The following ZHX3 variants were observed in gnomAD, a reference collection of about 807,000 sequenced individuals.
The protein encoded by ZHX3 is zinc fingers and homeoboxes protein 3.
Under a neutral mutation model 64.5 loss-of-function variants are expected in ZHX3, and 20 were observed. The ratio of observed to expected loss-of-function variants is 0.31; its 90% CI spans 0.22 to 0.45. The LOEUF (loss-of-function observed/expected upper bound fraction) is 0.45. Among genes scored for constraint, ZHX3 ranks in the 20% least tolerant of loss-of-function variants. The probability of loss-of-function intolerance (pLI) is 1.00; values close to 1 mark genes in which losing one functional copy is unlikely to be tolerated. For missense variants in ZHX3, 1,041 were observed against 1,195.8 expected (o/e 0.87, Z 1.91); for synonymous variants, 423 against 461.6 (o/e 0.92, Z 1.07).
Position 41,202,177 on chromosome 20 carries a change from T to C in ZHX3, c.2740A>G (p.Lys914Glu), listed in dbSNP as rs1183644707. ...TCTGAATAGGTGTCACCCATCCCTT[T>C]GTGAACTGCTGTGAGCTCACCAGTA... Reference protein sequence around the residue: ...PGTGELTAVHKGMGDTYSEVS... With the variant: ...PGTGELTAVHEGMGDTYSEVS... Residue 914 changes from lysine (K) to glutamate (E), a missense_variant, in exon 3 of 4, where the codon AAA becomes GAA. Around this residue, in one of 4 missense-constraint regions of ZHX3, gnomAD observed 649 missense variants for 739.8 expected, o/e 0.88. Transcript: ENST00000683867. This position sits in a 1 kb window ranked among gnomAD's most constrained non-coding sequence, Gnocchi z 7.0. 1 of 1,614,162 alleles carries C rather than the reference T, an allele frequency of 6.2e-7. No homozygotes were observed.
intron 1 of ZHX3, among the ~76,000 whole-genome samples, chr20:41,279,531 C>T (rs1460840032): frequency 6.6e-6 from 1 of 151,850 alleles, no homozygotes; most frequent in Non-Finnish European, 1.5e-5. Flanking sequence ...TCAGAAGTAA[C>T]CAAAAAGTAT....
chr20:41,201,119 A>G lies in ZHX3; in HGVS notation c.2860+938T>C, dbSNP rs778579937. ...TGAGGTACCAAACACAAGGCCCCAC[A>G]CTGAGGCAGCTCATGCCAAAGTCAC... On this transcript the variant is annotated intron_variant, in intron 3 of 3. Transcript: ENST00000683867. This position sits in a 1 kb window ranked among gnomAD's most constrained non-coding sequence, Gnocchi z 5.0. Among the ~76,000 whole-genome samples, 7 of 152,224 alleles carry G rather than the reference A, an allele frequency of 4.6e-5. No individual in the cohort carries two copies. The highest frequency in any genetic ancestry group is 1.0e-4 in the Non-Finnish European group (7 of 68,038).
chr20:41,205,518 C>G (rs928305938), intron 2 of ZHX3, among the ~76,000 whole-genome samples: 6 of 135,768 alleles, frequency 4.4e-5, no homozygotes, highest in African/African-American at 1.7e-4. Flanking sequence ...CTGTCTGTCC[C>G]AAGCCAGGCC....
intron 2 of ZHX3, among the ~76,000 whole-genome samples, chr20:41,248,837 G>A (rs889585045): frequency 6.6e-6 from 1 of 152,140 alleles, no homozygotes; most frequent in African/African-American, 2.4e-5. Flanking sequence ...GCAGGAATTG[G>A]CTGGGTTCTA....
intron 1 of ZHX3, among the ~76,000 whole-genome samples, chr20:41,270,534 T>C (rs1455561544): frequency 6.6e-6 from 1 of 151,356 alleles, no homozygotes; most frequent in Non-Finnish European, 1.5e-5. Context: ...AAATTAGCTG[T>C]GTGTGGTGGC....
In ZHX3 at chr20:41,202,138, T is replaced by G; in HGVS notation, c.2779A>C (p.Ser927Arg). 6.2e-7 allele frequency: 1 copy of G among 1,614,166 alleles called. No homozygotes were observed. The highest frequency in any genetic ancestry group is 8.5e-7 in the Non-Finnish European group (1 of 1,180,022). ...GGGACACGGGGCTCCCACGACTCAC[T>G]GTTCTCAGACACCTCTGAATAGGTG... ...GDTYSEVSEN[S>R]ESWEPRVPEA... Residue 927 changes from serine (S) to arginine (R), a missense_variant, in exon 3 of 4, where the codon AGT becomes CGT. By Grantham distance (110) the Ser-to-Arg change is moderately radical. This residue lies in a region of ZHX3 where 649 missense variants were observed against 739.8 expected (regional missense o/e 0.88). Transcript: ENST00000683867. The surrounding 1 kb of genome is among the most constrained non-coding windows in gnomAD (Gnocchi z 7.0).
chr20:41,288,308 C>T (rs1230078389), intron 1 of ZHX3, among the ~76,000 whole-genome samples: 1 of 152,208 alleles, frequency 6.6e-6, no homozygotes, highest in Admixed American at 6.5e-5. Flanking sequence ...GTGTGAGCCA[C>T]CGTTCCCAGC....
At chr20:41,209,714 A>C (rs2039010037) in intron 2 of ZHX3, among the ~76,000 whole-genome samples, 1 of 152,244 alleles carries the variant, frequency 6.6e-6, no homozygotes, top group Non-Finnish European at 1.5e-5. Context: ...TTAAAGACTT[A>C]AATGTTAGAC....
At chr20:41,308,076 G>A (rs2045031141) in intron 1 of ZHX3, among the ~76,000 whole-genome samples, 1 of 152,186 alleles carries the variant, frequency 6.6e-6, no homozygotes, top group Admixed American at 6.5e-5. Flanking sequence ...GCTCTGACGG[G>A]AGGAAAAGTG....
chr20:41,280,070 A>T (rs2043598189), intron 1 of ZHX3, among the ~76,000 whole-genome samples: 1 of 152,194 alleles, frequency 6.6e-6, no homozygotes, highest in Non-Finnish European at 1.5e-5. Context: ...CAGAATGAAG[A>T]AACAGCACCA....
intron 2 of ZHX3, among the ~76,000 whole-genome samples, chr20:41,221,928 G>A (rs568578763): frequency 4.8e-4 from 73 of 152,352 alleles, no homozygotes; most frequent in African/African-American, 1.7e-3. Context: ...AGAGGCTGTG[G>A]TAGGGGGCAG....
chr20:41,283,059 C>G (rs1325676097), intron 1 of ZHX3, among the ~76,000 whole-genome samples: 1 of 152,150 alleles, frequency 6.6e-6, no homozygotes, highest in Non-Finnish European at 1.5e-5. Flanking sequence ...CAGGCATACC[C>G]CACCATGCCC....
In ZHX3 at chr20:41,201,347, G is replaced by T; in HGVS notation, c.2860+710C>A. The T allele has an allele frequency of 3.1e-6, 4 of 1,304,772 alleles. No homozygotes were observed. Among genetic ancestry groups the T allele is most frequent in the Non-Finnish European group, 4.0e-6 (4 of 989,072 alleles). The allele number at this position is 1,304,772 out of a possible 1,614,324, so 80.8% of individuals were successfully genotyped here. The stretch of plus-strand genomic sequence containing the variant: ...GAGAACACAAATGTCAAAGGGTAAG[G>T]AGGGAAGGGAGAGGCTGGGAACTCA... On this transcript the variant is annotated intron_variant, in intron 3 of 3. Coordinates refer to ENST00000683867, the MANE Select transcript of ZHX3 (RefSeq NM_001384317.1). This position sits in a 1 kb window ranked among gnomAD's most constrained non-coding sequence, Gnocchi z 5.0.
intron 2 of ZHX3, among the ~76,000 whole-genome samples, chr20:41,234,278 A>C (rs935779716): frequency 1.3e-5 from 2 of 152,230 alleles, no homozygotes; most frequent in Admixed American, 6.5e-5. Context: ...CACTCAGCAC[A>C]TATGAAGCAC....
At chr20:41,279,908 A>G (rs1219010253) in intron 1 of ZHX3, among the ~76,000 whole-genome samples, 1 of 152,222 alleles carries the variant, frequency 6.6e-6, no homozygotes, top group African/African-American at 2.4e-5. Flanking sequence ...TAGAAGTAGA[A>G]GTGAGCCCAG....
intron 2 of ZHX3, among the ~76,000 whole-genome samples, chr20:41,243,415 C>T (rs765023665): frequency 1.6e-4 from 24 of 152,300 alleles, no homozygotes; most frequent in South Asian, 1.0e-3. Flanking sequence ...GCTTCATTTT[C>T]CCGATTCAAT....
Position 41,201,219 on chromosome 20 carries a change from C to T in ZHX3, c.2860+838G>A. 1.4e-5 allele frequency: 16 copies of T among 1,120,382 alleles called. No individual in the cohort carries two copies. The highest frequency in any genetic ancestry group is 1.8e-5 in the Non-Finnish European group (15 of 855,188). The allele number at this position is 1,120,382 out of a possible 1,614,324, so 69.4% of individuals were successfully genotyped here. A position where few individuals can be genotyped will look rare whatever the true frequency, so the allele number is the denominator to read the frequency against. ...CCTCCCACATTGCCAACTCAGCTAG[C>T]AATGCTGCCATTTTGGAACCCCCAA... On this transcript the variant is annotated intron_variant, in intron 3 of 3. Transcript: ENST00000683867. The surrounding 1 kb of genome is among the most constrained non-coding windows in gnomAD (Gnocchi z 5.0).
chr20:41,196,585 AT>A (rs1156296677), intron 3 of ZHX3: 7 of 96,744 alleles, frequency 7.2e-5, no homozygotes, highest in Admixed American at 5.4e-4. Flanking sequence ...AAATATATAT[AT>A]TTATATATAT....
intron 2 of ZHX3, among the ~76,000 whole-genome samples, chr20:41,266,670 C>G (rs1477566137): frequency 6.6e-6 from 1 of 151,706 alleles, no homozygotes; most frequent in Non-Finnish European, 1.5e-5. Context: ...CTCAGCCTCC[C>G]GAGTAGTTGG....
Sources: allele counts gnomAD v4.1 joint callset (sites outside exome capture counted in the v4.1 genomes callset), GRCh38; gene constraint gnomAD v4.1.1; regional missense constraint gnomAD v4.1.1; non-coding constraint Gnocchi (gnomAD v3.1); transcripts MANE v1.5; gene names NCBI Gene and HGNC (gene_info 2026-07-23, HGNC 2026-07-21).